The following SYT14 variants were observed in gnomAD, a reference collection of about 807,000 sequenced individuals.
The protein encoded by SYT14 is synaptotagmin-14.
SYT14 carries 32 observed loss-of-function variants against 74.2 expected under a neutral mutation model. That is an observed-to-expected ratio of 0.43 (90% CI 0.33 to 0.58). The LOEUF is 0.58. SYT14 is among the 20% of genes least tolerant of loss of function. The pLI, the probability that SYT14 is intolerant of heterozygous loss-of-function variation, is 0.05. For synonymous variants in SYT14, 298 were observed against 337.7 expected, an observed-to-expected ratio of 0.88 and a Z score of 1.29; for missense variants, 791 against 981.8, an observed-to-expected ratio of 0.81 and a Z score of 2.60.
chr1:209,971,561 T>C (rs1023900067), intron 2 of SYT14, among the ~76,000 whole-genome samples: 1 of 152,172 alleles, frequency 6.6e-6, no homozygotes, highest in Non-Finnish European at 1.5e-5. Flanking sequence ...ATGTTCCTTT[T>C]GCTGCCTAGT....
chr1:210,004,866 A>G (rs1034819889), intron 2 of SYT14, among the ~76,000 whole-genome samples: 1 of 151,998 alleles, frequency 6.6e-6, no homozygotes, highest in African/African-American at 2.4e-5. Flanking sequence ...CAGATATCAT[A>G]TCAACAAAAA....
intron 5 of SYT14, among the ~76,000 whole-genome samples, chr1:210,065,788 C>T (rs1572239359): frequency 6.6e-6 from 1 of 151,558 alleles, no homozygotes; most frequent in Admixed American, 6.6e-5. Context: ...AGGTTTGTTA[C>T]ATATGTATAC....
chr1:210,047,785 G>A (rs2080913649), intron 5 of SYT14, among the ~76,000 whole-genome samples: 1 of 152,156 alleles, frequency 6.6e-6, no homozygotes, highest in Non-Finnish European at 1.5e-5. Context: ...ACTATAATTG[G>A]CAAACAGGTT....
chr1:210,000,004 T>C (rs2079864981), intron 2 of SYT14, among the ~76,000 whole-genome samples: 1 of 152,158 alleles, frequency 6.6e-6, no homozygotes. Context: ...TAACAAAATA[T>C]CAGATGTACC....
chr1:210,058,113 G>A (rs771091469), intron 5 of SYT14, among the ~76,000 whole-genome samples: 2 of 152,150 alleles, frequency 1.3e-5, no homozygotes, highest in African/African-American at 4.8e-5. Context: ...ACTAGGGACC[G>A]AAAGCTGGAA....
intron 1 of SYT14, among the ~76,000 whole-genome samples, chr1:209,943,100 TAAAA>T (rs992438241): frequency 1.3e-5 from 2 of 152,206 alleles, no homozygotes; most frequent in Non-Finnish European, 2.9e-5. Context: ...AATATTCAGT[TAAAA>T]AACCCAATAG....
intron 5 of SYT14, among the ~76,000 whole-genome samples, chr1:210,039,912 A>G (rs1314776150): frequency 1.3e-5 from 2 of 152,192 alleles, no homozygotes; most frequent in African/African-American, 2.4e-5. Flanking sequence ...AGAAGTAGGA[A>G]CACTTTTACA....
At chr1:210,140,264 A>G (rs918755023) in intron 7 of SYT14, among the ~76,000 whole-genome samples, 1 of 152,118 alleles carries the variant, frequency 6.6e-6, no homozygotes, top group African/African-American at 2.4e-5. Flanking sequence ...TCTTCTTTGG[A>G]TAAATTTCTA....
At chr1:210,132,829 A>G (rs1023771393) in intron 7 of SYT14, among the ~76,000 whole-genome samples, 1 of 152,140 alleles carries the variant, frequency 6.6e-6, no homozygotes, top group African/African-American at 2.4e-5. Flanking sequence ...TCTGGATTCT[A>G]GCGTAGCTGC....
At chr1:210,032,109 G>T (rs553595521) in intron 5 of SYT14, among the ~76,000 whole-genome samples, 6 of 151,908 alleles carry the variant, frequency 3.9e-5, no homozygotes, top group African/African-American at 1.5e-4. Context: ...TCTTCATATG[G>T]TGATTTTTTT....
intron 7 of SYT14, among the ~76,000 whole-genome samples, chr1:210,130,819 C>G (rs919384524): frequency 6.6e-6 from 1 of 152,134 alleles, no homozygotes; most frequent in Non-Finnish European, 1.5e-5. Context: ...TATGTAATAA[C>G]TCAGGTAGCT....
chr1:210,010,737 A>G (rs1295787669), intron 2 of SYT14, among the ~76,000 whole-genome samples: 1 of 152,206 alleles, frequency 6.6e-6, no homozygotes, highest in Admixed American at 6.5e-5. Context: ...AGGGATAGAA[A>G]GAGGCAAGAA....
At chr1:210,084,012 T>C (rs1266500671) in intron 5 of SYT14, among the ~76,000 whole-genome samples, 4 of 152,182 alleles carry the variant, frequency 2.6e-5, no homozygotes, top group African/African-American at 9.6e-5. Flanking sequence ...GCCTAGAAGA[T>C]AATTTTTGAA....
chr1:210,013,139 C>T lies in SYT14; in HGVS notation c.-485-494C>T, dbSNP rs188478407. On this transcript the variant is annotated intron_variant, in intron 2 of 9. Coordinates refer to ENST00000637265, the Ensembl canonical transcript of SYT14. Reference sequence around the variant, plus strand: ...TTTGTTGCTCAGGCTGGCACAATCTCGGCTCACTGCAGCCTCTGTCTCCCA... The same window carrying T: ...TTTGTTGCTCAGGCTGGCACAATCTTGGCTCACTGCAGCCTCTGTCTCCCA... 8.0e-3 allele frequency among the ~76,000 whole-genome samples: 1,198 copies of T among 149,900 alleles called. 20 individuals are homozygous for T. Among genetic ancestry groups the T allele is most frequent in the African/African-American group, 0.028 (1,141 of 40,724 alleles).
chr1:210,147,408 T>G (rs2083063576), intron 7 of SYT14, among the ~76,000 whole-genome samples: 2 of 152,112 alleles, frequency 1.3e-5, no homozygotes, highest in African/African-American at 4.8e-5. Flanking sequence ...TTAGAAGTTT[T>G]AAACAGGATT....
intron 2 of SYT14, among the ~76,000 whole-genome samples, chr1:210,004,799 T>G (rs950818161): frequency 6.6e-6 from 1 of 152,070 alleles, no homozygotes; most frequent in African/African-American, 2.4e-5. Flanking sequence ...TTCTCAAAGC[T>G]TTTAGAGTAG....
At chr1:210,079,906 A>T (rs2081587556) in intron 5 of SYT14, among the ~76,000 whole-genome samples, 2 of 152,326 alleles carry the variant, frequency 1.3e-5, no homozygotes, top group African/African-American at 4.8e-5. Context: ...TCCTTTCAAA[A>T]TTTAATAGGG....
intron 2 of SYT14, among the ~76,000 whole-genome samples, chr1:209,994,409 G>A (rs952852261): frequency 6.6e-6 from 1 of 152,114 alleles, no homozygotes; most frequent in African/African-American, 2.4e-5. Context: ...TTTGAAGATT[G>A]TTTCTTCAAG....
At chr1:210,040,998 C>T (rs557172845) in intron 5 of SYT14, among the ~76,000 whole-genome samples, 2 of 152,252 alleles carry the variant, frequency 1.3e-5, no homozygotes, top group South Asian at 4.1e-4. Flanking sequence ...CCTGTGGTGG[C>T]TTCCATTGCC....
Sources: allele counts gnomAD v4.1 joint callset (sites outside exome capture counted in the v4.1 genomes callset), GRCh38; gene constraint gnomAD v4.1.1; transcripts MANE v1.5; gene names NCBI Gene and HGNC (gene_info 2026-07-23, HGNC 2026-07-21).